SCHIP1: variants seen among roughly 807,000 people sequenced by gnomAD.
SCHIP1 encodes the protein schwannomin-interacting protein 1.
SCHIP1 carries 8 observed loss-of-function variants against 29.7 expected under a neutral mutation model. The observed-to-expected ratio is 0.27, with a 90% CI of 0.16 to 0.49. The LOEUF is 0.49. Ranked by LOEUF, SCHIP1 falls within the 20% of genes least tolerant of loss-of-function variation. The pLI is 0.99. For synonymous variants in SCHIP1, 76 were observed against 94.9 expected (o/e 0.80, Z 1.16); for missense variants, 193 against 294.6 (o/e 0.66, Z 2.52).
At chr3:159,487,150 G>A in the SCHIP1 span, among the ~76,000 whole-genome samples, 3 of 152,186 alleles carry the variant, frequency 2.0e-5, no homozygotes, top group African/African-American at 4.8e-5. Context: ...ATTATATGGA[G>A]CAATGTGGCT....
At chr3:159,499,921 C>A in the SCHIP1 span, among the ~76,000 whole-genome samples, 1 of 152,140 alleles carries the variant, frequency 6.6e-6, no homozygotes, top group East Asian at 1.9e-4. Context: ...TAATAAATCA[C>A]AAGTTCAATT....
At chr3:159,854,686 GC>G (rs1485725051) in intron 1 of SCHIP1, among the ~76,000 whole-genome samples, 2 of 152,196 alleles carry the variant, frequency 1.3e-5, no homozygotes, top group African/African-American at 4.8e-5. Flanking sequence ...ATCCAGCTCT[GC>G]AGAACAAGTG....
chr3:159,705,907 A>G, the SCHIP1 span, among the ~76,000 whole-genome samples: 1 of 151,832 alleles, frequency 6.6e-6, no homozygotes, highest in East Asian at 1.9e-4. Flanking sequence ...GGGTTTCACC[A>G]TCTTGGCCAG....
At chr3:159,542,183 T>C in the SCHIP1 span, among the ~76,000 whole-genome samples, 1 of 152,132 alleles carries the variant, frequency 6.6e-6, no homozygotes, top group South Asian at 2.1e-4. Context: ...ATCATTTAAA[T>C]AGCCTTTCTT....
chr3:159,468,679 G>A, the SCHIP1 span, among the ~76,000 whole-genome samples: 1 of 145,932 alleles, frequency 6.9e-6, no homozygotes, highest in Non-Finnish European at 1.5e-5. Context: ...ATTGCATGTT[G>A]AATATGAACT....
the SCHIP1 span, among the ~76,000 whole-genome samples, chr3:159,788,524 C>G: frequency 1.3e-5 from 2 of 152,110 alleles, no homozygotes; most frequent in African/African-American, 4.8e-5. Context: ...CTAGAAGATT[C>G]CTGAGGAGAG....
the SCHIP1 span, among the ~76,000 whole-genome samples, chr3:159,590,773 T>C: frequency 6.6e-6 from 1 of 152,206 alleles, no homozygotes; most frequent in Non-Finnish European, 1.5e-5. Flanking sequence ...TCTTCCAGTT[T>C]ACTTGTAAAC....
chr3:159,307,493 C>A, the SCHIP1 span, among the ~76,000 whole-genome samples: 4 of 152,204 alleles, frequency 2.6e-5, no homozygotes, highest in African/African-American at 7.2e-5. Context: ...ATAATTGATG[C>A]CTTTGGGTAG....
At chr3:159,353,019 A>G in the SCHIP1 span, among the ~76,000 whole-genome samples, 1 of 152,112 alleles carries the variant, frequency 6.6e-6, no homozygotes, top group South Asian at 2.1e-4. Flanking sequence ...AAGGGGAGGA[A>G]GACCACCTGT....
chr3:159,775,010 G>A, the SCHIP1 span, among the ~76,000 whole-genome samples: 1 of 151,820 alleles, frequency 6.6e-6, no homozygotes. Context: ...TCATGAAAGT[G>A]ACTGTGCATC....
At chr3:159,789,316 T>A in the SCHIP1 span, among the ~76,000 whole-genome samples, 1 of 152,216 alleles carries the variant, frequency 6.6e-6, no homozygotes, top group Non-Finnish European at 1.5e-5. Flanking sequence ...TGTCATCAAC[T>A]GATTGGATGA....
At chr3:159,662,358 G>GA in the SCHIP1 span, among the ~76,000 whole-genome samples, 1 of 152,096 alleles carries the variant, frequency 6.6e-6, no homozygotes, top group African/African-American at 2.4e-5. Context: ...GCCTTGCTGA[G>GA]AAAATTAAAT....
chr3:159,628,165 C>T, the SCHIP1 span, among the ~76,000 whole-genome samples: 1 of 152,126 alleles, frequency 6.6e-6, no homozygotes, highest in Non-Finnish European at 1.5e-5. Context: ...GTTCAAGGCT[C>T]ACCAAAGAGG....
the SCHIP1 span, among the ~76,000 whole-genome samples, chr3:159,337,862 C>A: frequency 6.6e-6 from 1 of 152,166 alleles, no homozygotes; most frequent in Non-Finnish European, 1.5e-5. Flanking sequence ...CTGAAGACAT[C>A]CAGAATATTT....
chr3:159,351,641 G>A, the SCHIP1 span, among the ~76,000 whole-genome samples: 1 of 152,052 alleles, frequency 6.6e-6, no homozygotes, highest in Non-Finnish European at 1.5e-5. Flanking sequence ...GCATACATTA[G>A]TAAGTACAAG....
chr3:159,610,845 A>G, the SCHIP1 span, among the ~76,000 whole-genome samples: 6 of 152,106 alleles, frequency 3.9e-5, no homozygotes, highest in Non-Finnish European at 7.4e-5. Flanking sequence ...TCAATGAAAC[A>G]TCCAGAGGAA....
At chr3:159,720,535 C>G in the SCHIP1 span, among the ~76,000 whole-genome samples, 3 of 152,028 alleles carry the variant, frequency 2.0e-5, no homozygotes, top group African/African-American at 7.2e-5. Context: ...GTTCCCCTAG[C>G]TTATCTTTCA....
the SCHIP1 span, among the ~76,000 whole-genome samples, chr3:159,393,105 T>C: frequency 6.6e-6 from 1 of 152,382 alleles, no homozygotes; most frequent in Middle Eastern, 3.4e-3. Context: ...GCTGCATAAA[T>C]GTCTTCTTTT....
the SCHIP1 span, among the ~76,000 whole-genome samples, chr3:159,373,541 A>G: frequency 1.4e-4 from 21 of 152,136 alleles, no homozygotes; most frequent in South Asian, 2.1e-4. Flanking sequence ...GAGACTTTGT[A>G]TCCTTTTGAC....
Sources: gnomAD v4.1 joint callset for allele counts (sites outside exome capture counted in the v4.1 genomes callset) on GRCh38, gnomAD v4.1.1 for gene constraint, MANE v1.5 for transcripts, NCBI Gene and HGNC (gene_info 2026-07-23, HGNC 2026-07-21) for gene names.